DPH6: variants seen among roughly 807,000 people sequenced by gnomAD.
The protein encoded by DPH6 is diphthamine biosynthesis 6.
Under a neutral mutation model 38.2 loss-of-function variants are expected in DPH6, and 33 were observed. That is an observed-to-expected ratio of 0.86 (90% CI 0.65 to 1.15). DPH6 has a LOEUF of 1.15. DPH6 is among the 50% of genes most tolerant of loss of function. DPH6 has a pLI of 0.00. For synonymous variants in DPH6, 108 were observed against 103.0 expected, an observed-to-expected ratio of 1.05 and a Z score of -0.30; for missense variants, 325 against 320.0, an observed-to-expected ratio of 1.02 and a Z score of -0.12.
chr15:35,205,366 C>G, the DPH6 span, among the ~76,000 whole-genome samples: 1 of 151,976 alleles, frequency 6.6e-6, no homozygotes, highest in Non-Finnish European at 1.5e-5. Flanking sequence ...AACACAACTG[C>G]TGTTATTTTG....
At chr15:35,473,125 T>C (rs980627857) in intron 3 of DPH6, among the ~76,000 whole-genome samples, 2 of 152,278 alleles carry the variant, frequency 1.3e-5, no homozygotes, top group South Asian at 4.1e-4. Context: ...TTTCAAACTA[T>C]GAAACACTTT....
At chr15:35,460,515 A>G (rs1230202156) in intron 3 of DPH6, among the ~76,000 whole-genome samples, 1 of 152,238 alleles carries the variant, frequency 6.6e-6, no homozygotes, top group Non-Finnish European at 1.5e-5. Context: ...TATCACTATA[A>G]ATGATGATAT....
intron 3 of DPH6, among the ~76,000 whole-genome samples, chr15:35,487,325 TTCA>T (rs2054417411): frequency 6.6e-6 from 1 of 152,248 alleles, no homozygotes; most frequent in Admixed American, 6.5e-5. Flanking sequence ...GCAGAGGTTC[TTCA>T]TGAGGGCTCT....
chr15:35,283,345 C>A (rs2051915929), intron 3 of DPH6, among the ~76,000 whole-genome samples: 1 of 151,786 alleles, frequency 6.6e-6, no homozygotes, highest in African/African-American at 2.4e-5. Flanking sequence ...CACTCTGTCA[C>A]CCAGGCTGGA....
intron 3 of DPH6, among the ~76,000 whole-genome samples, chr15:35,345,960 A>T (rs1468015750): frequency 6.6e-6 from 1 of 152,014 alleles, no homozygotes; most frequent in Non-Finnish European, 1.5e-5. Context: ...TAAAATATTT[A>T]CATCCTTACT....
intron 3 of DPH6, among the ~76,000 whole-genome samples, chr15:35,512,966 C>T (rs1234918850): frequency 1.3e-5 from 2 of 151,530 alleles, no homozygotes; most frequent in African/African-American, 4.9e-5. Context: ...ACCTAATTTA[C>T]AAAATTAGAG....
chr15:35,196,899 A>G, the DPH6 span, among the ~76,000 whole-genome samples: 327 of 152,326 alleles, frequency 2.1e-3, 2 homozygotes, highest in Admixed American at 0.012. Flanking sequence ...ACCTTTTTAA[A>G]TCCAACAATT....
chr15:35,254,141 GTAAC>G (rs1211851505), intron 3 of DPH6, among the ~76,000 whole-genome samples: 1 of 152,154 alleles, frequency 6.6e-6, no homozygotes, highest in Non-Finnish European at 1.5e-5. Flanking sequence ...AAAAATAGCT[GTAAC>G]TGTGAAGCTG....
intron 3 of DPH6, chr15:35,518,925 G>C (rs1054732318): frequency 1.3e-5 from 2 of 151,804 alleles, no homozygotes; most frequent in African/African-American, 2.4e-5. Context: ...TTTTATAGAA[G>C]AGAAAGCAGC....
At chr15:35,229,718 T>G (rs1440261334) in intron 3 of DPH6, among the ~76,000 whole-genome samples, 8 of 152,178 alleles carry the variant, frequency 5.3e-5, no homozygotes, top group Admixed American at 3.3e-4. Flanking sequence ...TGAAAGGACT[T>G]GGGTGTTGTG....
chr15:35,479,072 A>G (rs1241185527), intron 3 of DPH6, among the ~76,000 whole-genome samples: 1 of 152,106 alleles, frequency 6.6e-6, no homozygotes, highest in African/African-American at 2.4e-5. Context: ...ACCTTCTGAC[A>G]AAGAAAATTT....
chr15:35,416,940 ATTAGGGATG>A (rs1021631454), intron 5 of DPH6, among the ~76,000 whole-genome samples: 25 of 152,058 alleles, frequency 1.6e-4, no homozygotes, highest in Non-Finnish European at 3.4e-4. Context: ...ACCGGGTGAT[ATTAGGGATG>A]TTAGGGATGT....
At chr15:35,269,916 G>A (rs560308134) in intron 3 of DPH6, among the ~76,000 whole-genome samples, 3 of 148,778 alleles carry the variant, frequency 2.0e-5, no homozygotes, top group Admixed American at 6.8e-5. Flanking sequence ...TCAGCCTCCC[G>A]AGTAGCTGGG....
At chr15:35,490,234 A>G in intron 3 of DPH6, 2 of 976,558 alleles carry the variant, frequency 2.0e-6, no homozygotes, top group Non-Finnish European at 2.4e-6. Context: ...GAAAAAAAGA[A>G]AAACAAATAA....
At chr15:35,490,763 G>C (rs528274970) in intron 3 of DPH6, among the ~76,000 whole-genome samples, 1 of 152,202 alleles carries the variant, frequency 6.6e-6, no homozygotes, top group South Asian at 2.1e-4. Flanking sequence ...TAAACACATT[G>C]TGCCATCTCA....
chr15:35,223,603 G>C (rs1462188763), intron 3 of DPH6, among the ~76,000 whole-genome samples: 1 of 151,934 alleles, frequency 6.6e-6, no homozygotes, highest in Non-Finnish European at 1.5e-5. Flanking sequence ...GGAGAATGGC[G>C]TGAACCTGGG....
At chr15:35,155,531 G>T in the DPH6 span, among the ~76,000 whole-genome samples, 1 of 152,196 alleles carries the variant, frequency 6.6e-6, no homozygotes, top group Non-Finnish European at 1.5e-5. Flanking sequence ...TCATCAGACT[G>T]CCCTGGTCCA....
At chr15:35,246,543 TGCA>T (rs1362161985) in intron 3 of DPH6, among the ~76,000 whole-genome samples, 1 of 152,228 alleles carries the variant, frequency 6.6e-6, no homozygotes, top group African/African-American at 2.4e-5. Flanking sequence ...AGCGCCAGAC[TGCA>T]GTAAGCAATT....
At chr15:35,389,616 G>T in intron 6 of DPH6, among the ~76,000 whole-genome samples, 1 of 152,182 alleles carries the variant, frequency 6.6e-6, no homozygotes, top group Middle Eastern at 3.4e-3. Flanking sequence ...TGTCTCTTTC[G>T]ATCTTTGTTG....
Sources: allele counts gnomAD v4.1 joint callset (sites outside exome capture counted in the v4.1 genomes callset), GRCh38; gene constraint gnomAD v4.1.1; transcripts MANE v1.5; gene names NCBI Gene and HGNC (gene_info 2026-07-23, HGNC 2026-07-21).